Variants in NPAS3 observed in about 807,000 individuals in gnomAD.
The protein encoded by NPAS3 is neuronal PAS domain protein 3.
NPAS3 carries 14 observed loss-of-function variants against 73.1 expected under a neutral mutation model. The ratio of observed to expected loss-of-function variants is 0.19; its 90% CI spans 0.13 to 0.30. NPAS3 has a LOEUF of 0.30. NPAS3 is among the 10% of genes least tolerant of loss of function. NPAS3 has a pLI of 1.00. For synonymous variants in NPAS3, 620 were observed against 541.5 expected, an observed-to-expected ratio of 1.14 and a Z score of -2.01; for missense variants, 1,096 against 1,250.0, an observed-to-expected ratio of 0.88 and a Z score of 1.86.
At chr14:32,956,061 C>A (rs918580548) in intron 1 of NPAS3, among the ~76,000 whole-genome samples, 1 of 151,896 alleles carries the variant, frequency 6.6e-6, no homozygotes, top group Non-Finnish European at 1.5e-5. Context: ...CCAAATATAC[C>A]ATTGATGGTT....
chr14:33,616,585 AT>A (rs1179641774), intron 5 of NPAS3, among the ~76,000 whole-genome samples: 2 of 152,128 alleles, frequency 1.3e-5, no homozygotes, highest in Non-Finnish European at 2.9e-5. Context: ...AGAACTGAAC[AT>A]TTTAAAATGC....
At chr14:33,334,265 G>A in intron 3 of NPAS3, among the ~76,000 whole-genome samples, 1 of 152,174 alleles carries the variant, frequency 6.6e-6, no homozygotes, top group East Asian at 1.9e-4. Context: ...CTGATTATAA[G>A]TGTATGGTTA....
intron 6 of NPAS3, among the ~76,000 whole-genome samples, chr14:33,728,959 C>A (rs2061337760): frequency 6.6e-6 from 1 of 152,088 alleles, no homozygotes; most frequent in African/African-American, 2.4e-5. Context: ...GTGAAGAATT[C>A]TTCTTAGAAG....
At chr14:33,456,863 A>G (rs998834711) in intron 4 of NPAS3, among the ~76,000 whole-genome samples, 1 of 152,172 alleles carries the variant, frequency 6.6e-6, no homozygotes, top group African/African-American at 2.4e-5. Context: ...TGCAGAAATC[A>G]GGATTTAAAA....
chr14:33,165,716 T>A (rs1195952386), intron 2 of NPAS3, among the ~76,000 whole-genome samples: 1 of 151,984 alleles, frequency 6.6e-6, no homozygotes, highest in African/African-American at 2.4e-5. Context: ...TTTTTTTTTT[T>A]AAGCTTAATT....
intron 1 of NPAS3, among the ~76,000 whole-genome samples, chr14:33,036,298 A>G (rs574741890): frequency 1.3e-5 from 2 of 152,262 alleles, no homozygotes; most frequent in South Asian, 2.1e-4. Context: ...ATTAAAGTAT[A>G]TAATAACTGC....
chr14:33,567,267 T>C (rs2056002847), intron 5 of NPAS3, among the ~76,000 whole-genome samples: 1 of 152,220 alleles, frequency 6.6e-6, no homozygotes, highest in Admixed American at 6.5e-5. Flanking sequence ...ATCCACAACA[T>C]TAATTCTGAG....
chr14:33,529,974 C>T (rs1277574771), intron 4 of NPAS3, among the ~76,000 whole-genome samples: 1 of 152,130 alleles, frequency 6.6e-6, no homozygotes, highest in African/African-American at 2.4e-5. Flanking sequence ...ATGCGCCAGG[C>T]ATCTGTCCCA....
intron 5 of NPAS3, among the ~76,000 whole-genome samples, chr14:33,628,091 C>T (rs550285070): frequency 3.3e-5 from 5 of 152,272 alleles, no homozygotes; most frequent in African/African-American, 7.2e-5. Context: ...TAATATGTTG[C>T]GTTGTGAAGC....
rs150772457 is a variant in NPAS3 at position 33,666,720 on chromosome 14, A to G, written c.559-9491A>G. 7.1e-3 allele frequency among the ~76,000 whole-genome samples: 1,087 copies of G among 152,260 alleles called. 14 individuals carry two copies. Among genetic ancestry groups the G allele is most frequent in the African/African-American group, 0.024 (1,017 of 41,546 alleles). On this transcript the variant is annotated intron_variant, in intron 5 of 11. Transcript: ENST00000356141. ...AGTGGACTGTAAGCTACATGGGGGC[A>G]TGTGCTGAGTTTCTATGTTTCTTTT...
At chr14:33,231,653 C>T (rs574626378) in intron 3 of NPAS3, among the ~76,000 whole-genome samples, 2 of 152,232 alleles carry the variant, frequency 1.3e-5, no homozygotes, top group South Asian at 4.1e-4. Context: ...AAAGATACTA[C>T]ACATCATTAC....
At chr14:33,768,979 G>A (rs1286566026) in intron 7 of NPAS3, among the ~76,000 whole-genome samples, 1 of 152,194 alleles carries the variant, frequency 6.6e-6, no homozygotes, top group Non-Finnish European at 1.5e-5. Flanking sequence ...TGGCATTTAT[G>A]TTAGAATGGA....
At chr14:33,779,650 T>G (rs1381182334) in intron 9 of NPAS3, among the ~76,000 whole-genome samples, 1 of 152,226 alleles carries the variant, frequency 6.6e-6, no homozygotes. Flanking sequence ...CTACCAGTAT[T>G]CAGTAGAGTA....
chr14:33,383,088 TAAAAAAAAAAAA>T (rs34877774), intron 4 of NPAS3, among the ~76,000 whole-genome samples: 2 of 104,278 alleles, frequency 1.9e-5, no homozygotes, highest in African/African-American at 7.7e-5. Flanking sequence ...GACCCTGTCT[TAAAAAAAAAAAA>T]AAAAAAAAAA....
At chr14:33,161,442 T>C (rs576293263) in intron 2 of NPAS3, among the ~76,000 whole-genome samples, 1 of 152,322 alleles carries the variant, frequency 6.6e-6, no homozygotes, top group South Asian at 2.1e-4. Context: ...CCCAGGTATG[T>C]TGGATCCCAA....
At chr14:33,167,172 CTTTG>C (rs958227190) in intron 2 of NPAS3, among the ~76,000 whole-genome samples, 9 of 152,192 alleles carry the variant, frequency 5.9e-5, no homozygotes, top group African/African-American at 1.9e-4. Context: ...AAAGTTCAGA[CTTTG>C]TTTATTAGCA....
At chr14:33,240,171 A>T (rs1157635420) in intron 3 of NPAS3, among the ~76,000 whole-genome samples, 1 of 151,870 alleles carries the variant, frequency 6.6e-6, no homozygotes, top group Non-Finnish European at 1.5e-5. Flanking sequence ...ATCTTTTGCA[A>T]TATATAAGAT....
chr14:33,199,726 C>T lies in NPAS3; in HGVS notation c.141-15456C>T, dbSNP rs183102826. Reference sequence around the variant, plus strand: ...TTTTCCCCTCCCCCTTCTTCTTCCCCTCCCTCTTTCCCTCCCTTCCTCCCC... The same window carrying T: ...TTTTCCCCTCCCCCTTCTTCTTCCCTTCCCTCTTTCCCTCCCTTCCTCCCC... On this transcript the variant is annotated intron_variant, in intron 2 of 11. Transcript: ENST00000356141. Among the ~76,000 whole-genome samples, 43 of 146,726 alleles carry T rather than the reference C, an allele frequency of 2.9e-4. 1 individual carries two copies. Among genetic ancestry groups the T allele is most frequent in the Admixed American group, 3.4e-4 (5 of 14,600 alleles).
intron 2 of NPAS3, among the ~76,000 whole-genome samples, chr14:33,095,075 C>T (rs936495279): frequency 6.6e-6 from 1 of 152,176 alleles, no homozygotes; most frequent in Admixed American, 6.5e-5. Context: ...GGACATTGAA[C>T]AAGTGACAGC....
Sources: gnomAD v4.1 joint callset for allele counts (sites outside exome capture counted in the v4.1 genomes callset) on GRCh38, gnomAD v4.1.1 for gene constraint, MANE v1.5 for transcripts, NCBI Gene and HGNC (gene_info 2026-07-23, HGNC 2026-07-21) for gene names.